The following RNF150 variants were observed in gnomAD, a reference collection of about 807,000 sequenced individuals.
The protein encoded by RNF150 is ring finger protein 150.
Under a neutral mutation model 39.3 loss-of-function variants are expected in RNF150, and 24 were observed. The observed-to-expected ratio is 0.61, with a 90% CI of 0.44 to 0.86. The LOEUF (loss-of-function observed/expected upper bound fraction) is 0.86. RNF150 is among the 40% of genes least tolerant of loss of function. RNF150 has a pLI of 0.00. For synonymous variants in RNF150, 255 were observed against 227.3 expected (o/e 1.12, Z -1.10); for missense variants, 502 against 587.8 (o/e 0.85, Z 1.51).
intron 1 of RNF150, among the ~76,000 whole-genome samples, chr4:141,072,206 G>C (rs1737732526): frequency 2.0e-5 from 3 of 152,086 alleles, no homozygotes; most frequent in African/African-American, 7.2e-5. Context: ...TATTGCAACA[G>C]GTTAAGTGTT....
chr4:141,060,013 A>G (rs1316143599), intron 1 of RNF150, among the ~76,000 whole-genome samples: 2 of 152,232 alleles, frequency 1.3e-5, no homozygotes, highest in Non-Finnish European at 2.9e-5. Context: ...GACTTTAAAA[A>G]CATTTGATTG....
At chr4:141,206,145 C>T (rs985994721) in intron 1 of RNF150, among the ~76,000 whole-genome samples, 7 of 151,912 alleles carry the variant, frequency 4.6e-5, no homozygotes, top group Admixed American at 1.3e-4. Flanking sequence ...CCTGGCCGGG[C>T]GTGGTGGCTC....
At chr4:141,119,179 A>T (rs1200217281) in intron 1 of RNF150, among the ~76,000 whole-genome samples, 1 of 152,244 alleles carries the variant, frequency 6.6e-6, no homozygotes, top group Non-Finnish European at 1.5e-5. Context: ...TTTCTCTCAT[A>T]GTTCTCTCAT....
At chr4:141,051,372 C>A (rs1367160458) in intron 1 of RNF150, among the ~76,000 whole-genome samples, 1 of 152,172 alleles carries the variant, frequency 6.6e-6, no homozygotes, top group African/African-American at 2.4e-5. Flanking sequence ...GCTTGAATTT[C>A]TCCTCAGAAA....
At chr4:140,923,552 A>C (rs1731251249) in intron 5 of RNF150, among the ~76,000 whole-genome samples, 1 of 152,216 alleles carries the variant, frequency 6.6e-6, no homozygotes, top group African/African-American at 2.4e-5. Context: ...CCATTGTGGA[A>C]GTCGGTGTGG....
In RNF150 at chr4:141,201,235, C is replaced by A. The variant is rs114064560; in HGVS notation, c.-6+11559G>T. Among the ~76,000 whole-genome samples the A allele has an allele frequency of 9.0e-3, 1,365 of 152,238 alleles. 22 individuals carry two copies. The highest frequency in any genetic ancestry group is 0.031 in the African/African-American group (1,282 of 41,528). ...ATGCATTCTGGCCCAAATTGATATA[C>A]AATTACTATAAACAATGCATGAGGC... On this transcript the variant is annotated intron_variant, in intron 1 of 7. Transcript: ENST00000420921.
intron 1 of RNF150, among the ~76,000 whole-genome samples, chr4:140,989,389 C>T (rs1356170346): frequency 6.6e-6 from 1 of 152,120 alleles, no homozygotes; most frequent in Non-Finnish European, 1.5e-5. Context: ...CGAGCTGCCA[C>T]AGACCACAGA....
chr4:140,881,579 T>C (rs1361752284), intron 6 of RNF150, among the ~76,000 whole-genome samples: 1 of 152,178 alleles, frequency 6.6e-6, no homozygotes, highest in Non-Finnish European at 1.5e-5. Flanking sequence ...CCACTGGTTA[T>C]ACAAGAGAGT....
chr4:141,073,199 A>T (rs1737770634), intron 1 of RNF150, among the ~76,000 whole-genome samples: 1 of 151,958 alleles, frequency 6.6e-6, no homozygotes, highest in South Asian at 2.1e-4. Context: ...AGGGGAAAGG[A>T]CTCTTCATGG....
At chr4:141,171,669 C>A (rs10026675) in intron 1 of RNF150, among the ~76,000 whole-genome samples, 1,878 of 152,290 alleles carry the variant, frequency 0.012, 41 homozygotes, top group African/African-American at 0.042. Context: ...TACAATGTAT[C>A]CATAGCCCAA....
chr4:141,138,463 A>G (rs1357274129), upstream of RNF150, among the ~76,000 whole-genome samples: 1 of 152,212 alleles, frequency 6.6e-6, no homozygotes, highest in African/African-American at 2.4e-5. Flanking sequence ...AGGGAAAGAA[A>G]TCCTCAAAAT....
intron 2 of RNF150, among the ~76,000 whole-genome samples, chr4:140,967,119 C>A (rs1212829240): frequency 6.6e-6 from 1 of 151,960 alleles, no homozygotes; most frequent in African/African-American, 2.4e-5. Context: ...ATAGAATATC[C>A]CTGGAAGATA....
chr4:141,187,737 G>A (rs562980670), intron 1 of RNF150, among the ~76,000 whole-genome samples: 1 of 152,242 alleles, frequency 6.6e-6, no homozygotes, highest in East Asian at 1.9e-4. Flanking sequence ...TTGAGCCTAT[G>A]TGTGTCTTTG....
In RNF150 at chr4:141,133,112, T is replaced by G; in HGVS notation, c.-304A>C. ...GGAGTCCTGCTGCCGAGCGTCCTGC[T>G]CCTTCGCCCGGCTTCGCCTTCTCTC... On this transcript the variant is annotated 5_prime_UTR_variant, in exon 1 of 7. Coordinates refer to ENST00000515673, the MANE Select transcript of RNF150 (RefSeq NM_020724.2). 1 of 330,702 alleles carries G rather than the reference T, an allele frequency of 3.0e-6. No homozygotes were observed. Among genetic ancestry groups the G allele is most frequent in the Non-Finnish European group, 5.6e-6 (1 of 178,768 alleles). 20.5% of individuals were successfully genotyped at this position (330,702 alleles called of 1,614,324 possible).
At chr4:141,070,219 C>A (rs1193979492) in intron 1 of RNF150, among the ~76,000 whole-genome samples, 2 of 152,162 alleles carry the variant, frequency 1.3e-5, no homozygotes, top group Non-Finnish European at 2.9e-5. Flanking sequence ...ACACCTTATA[C>A]AAAAATCAAT....
intron 1 of RNF150, among the ~76,000 whole-genome samples, chr4:141,062,486 A>G (rs545940442): frequency 2.0e-5 from 3 of 152,232 alleles, no homozygotes; most frequent in Admixed American, 6.5e-5. Flanking sequence ...TACCACTTAG[A>G]GGCAGCACCT....
At chr4:140,869,745 C>T (rs965964107) in intron 6 of RNF150, among the ~76,000 whole-genome samples, 2 of 152,086 alleles carry the variant, frequency 1.3e-5, no homozygotes, top group African/African-American at 4.8e-5. Flanking sequence ...AAGAAATAAT[C>T]CTTTAAGCAA....
At chr4:140,971,627 G>T (rs1579016333) in intron 1 of RNF150, among the ~76,000 whole-genome samples, 1 of 152,106 alleles carries the variant, frequency 6.6e-6, no homozygotes, top group African/African-American at 2.4e-5. Flanking sequence ...CATATGACCT[G>T]GCTGCCAGAC....
chr4:141,141,402 G>C (rs543338395), intron 1 of RNF150, among the ~76,000 whole-genome samples: 2 of 152,192 alleles, frequency 1.3e-5, no homozygotes, highest in African/African-American at 4.8e-5. Flanking sequence ...GTCTACAAAC[G>C]AATCTGGATA....
Sources: gnomAD v4.1 joint callset for allele counts (sites outside exome capture counted in the v4.1 genomes callset) on GRCh38, gnomAD v4.1.1 for gene constraint, MANE v1.5 for transcripts, NCBI Gene and HGNC (gene_info 2026-07-23, HGNC 2026-07-21) for gene names.